The following ACYP2 variants were observed in gnomAD, a reference collection of about 807,000 sequenced individuals.
ACYP2 encodes acylphosphatase-2.
In ACYP2, 12 loss-of-function variants were observed where a neutral mutation model predicts 11.2. The observed-to-expected ratio is 1.08, with a 90% CI of 0.69 to 1.74. The LOEUF (loss-of-function observed/expected upper bound fraction) is 1.74, where lower values mean the gene tolerates loss of function less well. Ranked by LOEUF, ACYP2 falls within the 40% of genes most tolerant of loss-of-function variation. The pLI is 0.00. For synonymous variants in ACYP2, 43 were observed against 32.2 expected, an observed-to-expected ratio of 1.33 and a Z score of -1.13; for missense variants, 134 against 101.9, an observed-to-expected ratio of 1.31 and a Z score of -1.35.
intron 6 of ACYP2, among the ~76,000 whole-genome samples, chr2:54,292,229 T>C (rs1452064377): frequency 6.6e-6 from 1 of 152,168 alleles, no homozygotes; most frequent in Admixed American, 6.5e-5. Flanking sequence ...AAATTGATTT[T>C]AGCCCTGAAG....
chr2:54,137,083 A>C (rs1372744434), intron 5 of ACYP2, among the ~76,000 whole-genome samples: 1 of 152,176 alleles, frequency 6.6e-6, no homozygotes, highest in Non-Finnish European at 1.5e-5. Context: ...GCATAACTGA[A>C]TTTGGAGCTA....
chr2:53,973,976 G>A (rs1029277398), intron 2 of ACYP2, among the ~76,000 whole-genome samples: 1 of 143,950 alleles, frequency 6.9e-6, no homozygotes, highest in African/African-American at 2.6e-5. Flanking sequence ...GATCCATCTC[G>A]GCTCACTGCA....
intron 4 of ACYP2, among the ~76,000 whole-genome samples, chr2:54,126,103 T>C (rs1426976416): frequency 6.6e-6 from 1 of 151,958 alleles, no homozygotes; most frequent in Non-Finnish European, 1.5e-5. Flanking sequence ...TAAATAAAAA[T>C]AAAAAGGAGA....
chr2:54,294,832 C>T (rs1689454858), intron 6 of ACYP2, among the ~76,000 whole-genome samples: 1 of 151,878 alleles, frequency 6.6e-6, no homozygotes, highest in Non-Finnish European at 1.5e-5. Flanking sequence ...GGGCGGATCC[C>T]CTGAGCCCAG....
chr2:54,015,398 C>T (rs946062132), intron 2 of ACYP2, among the ~76,000 whole-genome samples: 4 of 151,224 alleles, frequency 2.6e-5, no homozygotes, highest in South Asian at 2.1e-4. Flanking sequence ...ATCCCAGCTA[C>T]GTGGGAGGCT....
chr2:54,267,403 C>A, intron 6 of ACYP2: 2 of 1,511,048 alleles, frequency 1.3e-6, no homozygotes, highest in Non-Finnish European at 1.8e-6. Context: ...AGGGCTTATA[C>A]ATCCTAAAGT....
chr2:54,062,603 G>C (rs1676526428), intron 4 of ACYP2, among the ~76,000 whole-genome samples: 1 of 152,144 alleles, frequency 6.6e-6, no homozygotes, highest in African/African-American at 2.4e-5. Context: ...TTTTAATATA[G>C]CACAAAGGCA....
chr2:54,283,480 C>A (rs1463386590), intron 6 of ACYP2, among the ~76,000 whole-genome samples: 1 of 152,162 alleles, frequency 6.6e-6, no homozygotes, highest in Non-Finnish European at 1.5e-5. Context: ...CTTCACAACA[C>A]TCCTGTAAGG....
intron 6 of ACYP2, among the ~76,000 whole-genome samples, chr2:54,210,904 AT>A (rs1285245070): frequency 6.6e-6 from 1 of 152,132 alleles, no homozygotes; most frequent in African/African-American, 2.4e-5. Flanking sequence ...TAGAAAAAAA[AT>A]TTTTTTGCAT....
At chr2:54,118,229 A>G (rs1033361462) in intron 4 of ACYP2, among the ~76,000 whole-genome samples, 2 of 152,232 alleles carry the variant, frequency 1.3e-5, no homozygotes, top group Admixed American at 1.3e-4. Context: ...ACCCAGCGGT[A>G]TGTTATCCTG....
chr2:54,248,342 G>A (rs1334592395), intron 6 of ACYP2, among the ~76,000 whole-genome samples: 2 of 152,144 alleles, frequency 1.3e-5, no homozygotes, highest in African/African-American at 4.8e-5. Flanking sequence ...GAATAGATAA[G>A]TATCACAAAA....
At chr2:54,071,355 A>C (rs1032182348) in intron 4 of ACYP2, among the ~76,000 whole-genome samples, 5 of 152,326 alleles carry the variant, frequency 3.3e-5, no homozygotes, top group Admixed American at 2.6e-4. Flanking sequence ...ATCTCTGCTT[A>C]CAAATGGCAC....
chr2:54,255,330 T>G, intron 6 of ACYP2: 2 of 1,614,166 alleles, frequency 1.2e-6, no homozygotes, highest in Non-Finnish European at 1.7e-6. Flanking sequence ...TTAAGTAGCT[T>G]AACATCTCGG....
chr2:54,028,977 G>A (rs186672689), intron 2 of ACYP2, among the ~76,000 whole-genome samples: 2 of 152,216 alleles, frequency 1.3e-5, no homozygotes, highest in Admixed American at 6.6e-5. Context: ...GGGTAAGATA[G>A]TGAGACCTCA....
intron 4 of ACYP2, among the ~76,000 whole-genome samples, chr2:54,103,496 C>T (rs1047424062): frequency 2.9e-4 from 44 of 152,088 alleles, no homozygotes; most frequent in African/African-American, 8.7e-4. Context: ...TTGTTATTTA[C>T]ATTTTTATTC....
intron 2 of ACYP2, among the ~76,000 whole-genome samples, chr2:54,031,815 A>G (rs1312813986): frequency 6.6e-6 from 1 of 152,168 alleles, no homozygotes; most frequent in East Asian, 1.9e-4. Flanking sequence ...AATGATTGCC[A>G]TTCCAACTGG....
At chr2:54,145,957 A>G (rs981366964) in intron 6 of ACYP2, among the ~76,000 whole-genome samples, 1 of 152,208 alleles carries the variant, frequency 6.6e-6, no homozygotes, top group Non-Finnish European at 1.5e-5. Context: ...GCTTTCCTGT[A>G]GAGCAGGCTC....
intron 6 of ACYP2, among the ~76,000 whole-genome samples, chr2:54,146,823 C>G (rs1479849158): frequency 6.7e-6 from 1 of 148,826 alleles, no homozygotes; most frequent in Non-Finnish European, 1.5e-5. Flanking sequence ...GAGACAGAGT[C>G]TTGCTCTGTT....
At chr2:53,985,119 G>A (rs1671969801) in intron 2 of ACYP2, among the ~76,000 whole-genome samples, 1 of 149,740 alleles carries the variant, frequency 6.7e-6, no homozygotes. Flanking sequence ...GCCCAGGCTG[G>A]AGCACAGTGG....
Sources: gnomAD v4.1 joint callset for allele counts (sites outside exome capture counted in the v4.1 genomes callset) on GRCh38, gnomAD v4.1.1 for gene constraint, MANE v1.5 for transcripts, NCBI Gene and HGNC (gene_info 2026-07-23, HGNC 2026-07-21) for gene names.